PCLO: variants seen among roughly 807,000 people sequenced by gnomAD.
PCLO encodes the protein protein piccolo.
A neutral mutation model predicts 427.5 loss-of-function variants in PCLO; 82 were observed. The observed-to-expected ratio is 0.19, with a 90% confidence interval of 0.16 to 0.23. The LOEUF is 0.23. PCLO is among the 10% of genes least tolerant of loss of function. The probability of loss-of-function intolerance (pLI) is 1.00; values close to 1 mark genes in which losing one functional copy is unlikely to be tolerated. For missense variants in PCLO, 6,239 were observed against 6,115.9 expected, an observed-to-expected ratio of 1.02 and a Z score of -0.67; for synonymous variants, 2,357 against 2,155.4, an observed-to-expected ratio of 1.09 and a Z score of -2.59.
chr7:82,902,873 T>A (rs1794083174), intron 8 of PCLO, 132 bp from the exon 9 acceptor site: 14 of 589,006 alleles, frequency 2.4e-5, no homozygotes, highest in African/African-American at 3.7e-5. Context: ...TCTCACATGA[T>A]GGCAATTTAA....
chr7:83,105,972 C>A (rs754445401), intron 3 of PCLO, among the ~76,000 whole-genome samples: 1 of 152,086 alleles, frequency 6.6e-6, no homozygotes, highest in Non-Finnish European at 1.5e-5. Context: ...CAGAATAGTT[C>A]TCAAAATTAG....
intron 3 of PCLO, among the ~76,000 whole-genome samples, chr7:83,112,973 G>A (rs1392102436): frequency 6.6e-6 from 1 of 152,106 alleles, no homozygotes; most frequent in Non-Finnish European, 1.5e-5. Flanking sequence ...AGAAGTGAAA[G>A]TTCAGTCAAA....
intron 3 of PCLO, among the ~76,000 whole-genome samples, chr7:83,059,302 T>G (rs185227473): frequency 7.0e-6 from 1 of 143,470 alleles, no homozygotes; most frequent in Non-Finnish European, 1.5e-5. Flanking sequence ...CAAATATATA[T>G]ATATATTATA....
chr7:83,084,638 AC>A (rs1790185276), intron 3 of PCLO, among the ~76,000 whole-genome samples: 1 of 152,214 alleles, frequency 6.6e-6, no homozygotes, highest in African/African-American at 2.4e-5. Flanking sequence ...AGTTCAGTGT[AC>A]CTCATAAGTT....
rs776519137 is a variant in PCLO, at chr7:82,916,723, T to A, written c.11263A>T (p.Asn3755Tyr). 6.2e-7 allele frequency: 1 copy of A among 1,613,674 alleles called. No homozygotes were observed. The highest frequency in any genetic ancestry group is 8.5e-7 in the Non-Finnish European group (1 of 1,179,728). ...TVSRRRICRT[N>Y]TMARAKILQD... ...AGAATCTTGGCTCGTGCCATTGTGT[T>A]GGTTCTGCAGATCCTTCTCCTGGAA... The change falls in exon 7 of 25, where the codon AAC becomes TAC. Residue 3755 changes from asparagine (N) to tyrosine (Y), a missense_variant. Physicochemically the swap from Asn to Tyr is moderately radical, Grantham distance 143. This residue lies in a region of PCLO where 4,677 missense variants were observed against 4,468.4 expected (regional missense o/e 1.05). Coordinates refer to ENST00000333891, the MANE Select transcript of PCLO (RefSeq NM_033026.6).
In PCLO at chr7:82,971,741, C is replaced by CATAT. The variant is rs113326490; in HGVS notation, c.3301-5258_3301-5255dup. ...AAGCCACAATTACTTTTGTACCAACCATATATATATATATATATATGTACT... is the reference window on the plus strand; with the variant it reads ...AAGCCACAATTACTTTTGTACCAACCATATATATATATATATATATATATGTACT... On this transcript the variant is annotated intron_variant, in intron 3 of 24. Transcript: ENST00000333891. Among the ~76,000 whole-genome samples the CATAT allele has an allele frequency of 1.2e-3, 172 of 142,286 alleles. 1 individual carries two copies. The East Asian group carries it at 0.015, about 13-fold the overall frequency. The allele number at this position is 142,286 out of a possible 152,430, so 93.3% of individuals were successfully genotyped here. A position where few individuals can be genotyped will look rare whatever the true frequency, so the allele number is the denominator to read the frequency against.
chr7:83,155,808 G>A lies in PCLO; in HGVS notation c.833C>T (p.Ala278Val), dbSNP rs768952146. The A allele has an allele frequency of 8.7e-6, 14 of 1,613,848 alleles. No homozygotes were observed. Among genetic ancestry groups the A allele is most frequent in the Non-Finnish European group, 1.1e-5 (13 of 1,179,794 alleles). ...TGCCTGTTTAGTCTGAGGCCTGGATGCATCTCGTTGAAGTGGCAATTTTGC... is the reference window on the plus strand; with the variant it reads ...TGCCTGTTTAGTCTGAGGCCTGGATACATCTCGTTGAAGTGGCAATTTTGC... ...DHAKLPLQRD[A>V]SRPQTKQADI... The change falls in exon 2 of 25, where the codon GCA becomes GTA. Residue 278 changes from alanine (A) to valine (V), a missense_variant. Coordinates refer to ENST00000333891, the MANE Select transcript of PCLO (RefSeq NM_033026.6).
intron 22 of PCLO, among the ~76,000 whole-genome samples, chr7:82,795,024 C>T (rs1352863992): frequency 2.6e-5 from 4 of 152,002 alleles, no homozygotes; most frequent in Admixed American, 2.6e-4. Flanking sequence ...GAAATTGCCC[C>T]TCATATTCCA....
At position 83,135,028 on chromosome 7, in the gene PCLO, T is replaced by C; in HGVS notation, c.2522A>G (p.Lys841Arg). ...TACGGGGTCAACTTGTTTTTGACCT[T>C]TGCTCTCTGAACTGGGACCAGGATG... ...ISHPGPSSES[K>R]GQKQVDPVQK... Residue 841 changes from lysine to arginine, a missense_variant, in exon 3 of 25, where the codon AAA becomes AGA. Transcript: ENST00000333891. 6.2e-7 allele frequency: 1 copy of C among 1,613,934 alleles called. No individual in the cohort carries two copies. The highest frequency in any genetic ancestry group is 2.2e-5 in the East Asian group (1 of 44,874).
At chr7:82,960,276 A>C (rs1453785615) in intron 4 of PCLO, among the ~76,000 whole-genome samples, 1 of 152,206 alleles carries the variant, frequency 6.6e-6, no homozygotes, top group Non-Finnish European at 1.5e-5. Flanking sequence ...AACACTCCAA[A>C]CAAAATTAAG....
At chr7:82,979,473 G>A (rs1283297388) in intron 3 of PCLO, among the ~76,000 whole-genome samples, 1 of 152,148 alleles carries the variant, frequency 6.6e-6, no homozygotes, top group African/African-American at 2.4e-5. Flanking sequence ...GAGGTTTAAA[G>A]TAGTTTTTTG....
chr7:83,076,624 C>CTT (rs11332065), intron 3 of PCLO, among the ~76,000 whole-genome samples: 1,837 of 129,802 alleles, frequency 0.014, 25 homozygotes, highest in Non-Finnish European at 0.023. Flanking sequence ...TGTTATTTTC[C>CTT]TTTTTTTTTT....
intron 3 of PCLO, among the ~76,000 whole-genome samples, chr7:83,061,347 G>A (rs980377073): frequency 1.3e-5 from 2 of 152,030 alleles, no homozygotes; most frequent in Non-Finnish European, 2.9e-5. Context: ...ACAGTTTCTT[G>A]CTCACTGCTC....
At chr7:82,890,487 A>G (rs187775224) in intron 9 of PCLO, among the ~76,000 whole-genome samples, 139 of 151,870 alleles carry the variant, frequency 9.2e-4, no homozygotes, top group African/African-American at 3.3e-3. Flanking sequence ...TCAATATTAC[A>G]TATCTTCTTT....
chr7:83,017,467 T>C (rs754598701), intron 3 of PCLO, among the ~76,000 whole-genome samples: 2 of 151,948 alleles, frequency 1.3e-5, no homozygotes, highest in Non-Finnish European at 2.9e-5. Context: ...ACAGGAGTAA[T>C]ACTCAGGACA....
intron 10 of PCLO, among the ~76,000 whole-genome samples, chr7:82,859,149 T>G (rs2115898824): frequency 6.6e-6 from 1 of 151,560 alleles, no homozygotes; most frequent in Admixed American, 6.6e-5. Flanking sequence ...TGGATGGCAC[T>G]TCTGGACCCA....
intron 3 of PCLO, among the ~76,000 whole-genome samples, chr7:83,027,559 C>A (rs1483417250): frequency 6.6e-6 from 1 of 151,548 alleles, no homozygotes; most frequent in Non-Finnish European, 1.5e-5. Flanking sequence ...CCTTCTGAAA[C>A]TATTCCAATC....
At chr7:82,975,630 T>A (rs997260406) in intron 3 of PCLO, among the ~76,000 whole-genome samples, 1 of 152,182 alleles carries the variant, frequency 6.6e-6, no homozygotes, top group African/African-American at 2.4e-5. Flanking sequence ...GGTTGAACTA[T>A]GTTTCCCAGA....
intron 3 of PCLO, among the ~76,000 whole-genome samples, chr7:83,102,855 A>T (rs1790768369): frequency 6.6e-6 from 1 of 151,924 alleles, no homozygotes; most frequent in Non-Finnish European, 1.5e-5. Context: ...ATAATTAATT[A>T]CTTCTGATTG....
Sources: gnomAD v4.1 joint callset for allele counts (sites outside exome capture counted in the v4.1 genomes callset) on GRCh38, gnomAD v4.1.1 for gene constraint, gnomAD v4.1.1 regional missense constraint, MANE v1.5 for transcripts, NCBI Gene and HGNC (gene_info 2026-07-23, HGNC 2026-07-21) for gene names.